The following SENP7 variants were observed in gnomAD, a reference collection of about 807,000 sequenced individuals.
SENP7 encodes the protein sentrin-specific protease 7.
Under a neutral mutation model 141.2 loss-of-function variants are expected in SENP7, and 64 were observed. The ratio of observed to expected loss-of-function variants is 0.45; its 90% CI spans 0.37 to 0.56. The LOEUF is 0.56. Ranked by LOEUF, SENP7 falls within the 20% of genes least tolerant of loss-of-function variation. The probability of loss-of-function intolerance (pLI) is 0.00; values close to 1 mark genes in which losing one functional copy is unlikely to be tolerated. For synonymous variants in SENP7, 382 were observed against 426.4 expected, an observed-to-expected ratio of 0.90 and a Z score of 1.28; for missense variants, 1,025 against 1,212.2, an observed-to-expected ratio of 0.85 and a Z score of 2.29.
chr3:101,332,897 AT>A (rs869242213), intron 17 of SENP7, 35 bp from the exon 18 acceptor site: 13 of 1,546,638 alleles, frequency 8.4e-6, no homozygotes, highest in East Asian at 2.4e-5. Context: ...ATATATAAAA[AT>A]TTTTTCATTT....
At chr3:101,435,020 AACAAAAT>A (rs2062329776) in intron 4 of SENP7, among the ~76,000 whole-genome samples, 3 of 152,168 alleles carry the variant, frequency 2.0e-5, no homozygotes, top group Non-Finnish European at 2.9e-5. Flanking sequence ...AAAAATCCTC[AACAAAAT>A]ACTAGCAAAC....
chr3:101,382,502 C>T (rs559998183), intron 6 of SENP7, among the ~76,000 whole-genome samples: 12 of 152,144 alleles, frequency 7.9e-5, no homozygotes, highest in East Asian at 1.9e-4. Flanking sequence ...TAATACAATT[C>T]GGTATATATT....
intron 4 of SENP7, among the ~76,000 whole-genome samples, chr3:101,444,664 C>T (rs2062816201): frequency 1.4e-5 from 2 of 146,474 alleles, no homozygotes; most frequent in South Asian, 4.3e-4. Flanking sequence ...ACACCGTATA[C>T]TCTCACTCAT....
chr3:101,480,410 T>C (rs2108026812), intron 3 of SENP7, among the ~76,000 whole-genome samples: 1 of 152,190 alleles, frequency 6.6e-6, no homozygotes, highest in African/African-American at 2.4e-5. Context: ...CACCCTAACA[T>C]ACACTGGGTA....
At chr3:101,466,640 T>G (rs753282213) in intron 3 of SENP7, among the ~76,000 whole-genome samples, 1 of 152,004 alleles carries the variant, frequency 6.6e-6, no homozygotes, top group Admixed American at 6.6e-5. Flanking sequence ...TAAAACTCAA[T>G]AGTAGAGCAG....
intron 4 of SENP7, among the ~76,000 whole-genome samples, chr3:101,455,812 A>G (rs554820563): frequency 6.6e-6 from 1 of 152,300 alleles, no homozygotes; most frequent in South Asian, 2.1e-4. Flanking sequence ...TTTCATCTAA[A>G]TAACTCATCA....
At chr3:101,400,987 A>T (rs2061122048) in intron 5 of SENP7, among the ~76,000 whole-genome samples, 1 of 151,980 alleles carries the variant, frequency 6.6e-6, no homozygotes, top group Non-Finnish European at 1.5e-5. Context: ...AGTCCGAGCT[A>T]CTTGGGAAGC....
chr3:101,494,319 C>T (rs1317716162), intron 2 of SENP7, among the ~76,000 whole-genome samples: 2 of 152,156 alleles, frequency 1.3e-5, no homozygotes, highest in Non-Finnish European at 2.9e-5. Context: ...GTAGCCATTA[C>T]TTACAGATAA....
At chr3:101,357,398 G>T in intron 11 of SENP7, 1 of 731,318 alleles carries the variant, frequency 1.4e-6, no homozygotes, top group South Asian at 1.6e-5. Flanking sequence ...CTCTAAGCCA[G>T]ACCTGATGAC....
At chr3:101,418,503 A>G (rs2061690328) in intron 4 of SENP7, among the ~76,000 whole-genome samples, 1 of 152,140 alleles carries the variant, frequency 6.6e-6, no homozygotes, top group East Asian at 1.9e-4. Context: ...TACCAAGTGC[A>G]TTTAAAACAA....
chr3:101,399,894 G>C (rs1440349566), intron 5 of SENP7, among the ~76,000 whole-genome samples: 3 of 152,182 alleles, frequency 2.0e-5, no homozygotes, highest in Non-Finnish European at 4.4e-5. Flanking sequence ...CCAAAATTCT[G>C]AGATTACACG....
chr3:101,347,807 T>C, intron 13 of SENP7, 65 bp downstream of exon 13: 1 of 756,050 alleles, frequency 1.3e-6, no homozygotes, highest in Non-Finnish European at 2.0e-6. Flanking sequence ...TTAAATTATT[T>C]TAGGAAAAAA....
At chr3:101,467,702 G>A (rs2063813376) in intron 3 of SENP7, among the ~76,000 whole-genome samples, 1 of 152,140 alleles carries the variant, frequency 6.6e-6, no homozygotes, top group Non-Finnish European at 1.5e-5. Flanking sequence ...CTCATCTGTA[G>A]GTCACCAACA....
chr3:101,361,602 A>T, intron 11 of SENP7, 113 bp downstream of exon 11: 1 of 1,143,894 alleles, frequency 8.7e-7, no homozygotes, highest in Non-Finnish European at 1.2e-6. Flanking sequence ...AAAGTGTCCC[A>T]TATAAAATAA....
At position 101,337,509 on chromosome 3, in the gene SENP7, G is replaced by T; in HGVS notation, c.2480C>A (p.Ser827Ter). ...NNLTEDNPNL[S>*]MAQRRHKRVR... ...TAAGTACATTAGAGGATTAACTTAC[G>T]AAAGATTTGGATTATCTTCTGTTAA... is the stretch of plus-strand genomic sequence containing the variant. Residue 827 changes from serine (S) to a stop codon, truncating the protein, a stop_gained and splice_region_variant, in exon 17 of 24, where the codon TCA (serine) becomes TAA (stop). Coordinates refer to ENST00000394095, the MANE Select transcript of SENP7 (RefSeq NM_020654.5). LOFTEE classifies it high-confidence loss of function. 1 of 1,516,594 alleles carries T rather than the reference G, an allele frequency of 6.6e-7. No individual in the cohort carries two copies. The highest frequency in any genetic ancestry group is 9.1e-7 in the Non-Finnish European group (1 of 1,102,524). 93.9% of individuals were successfully genotyped at this position (1,516,594 alleles called of 1,614,324 possible). A position where few individuals can be genotyped will look rare whatever the true frequency, so the allele number is the denominator to read the frequency against.
At chr3:101,466,650 G>C (rs1293120364) in intron 3 of SENP7, among the ~76,000 whole-genome samples, 1 of 152,128 alleles carries the variant, frequency 6.6e-6, no homozygotes, top group Non-Finnish European at 1.5e-5. Flanking sequence ...TAGTAGAGCA[G>C]ACACACAAAT....
chr3:101,429,741 T>G (rs1364850538), intron 4 of SENP7, among the ~76,000 whole-genome samples: 1 of 152,172 alleles, frequency 6.6e-6, no homozygotes, highest in African/African-American at 2.4e-5. Context: ...ATAGGAGTAG[T>G]AAGAGAGGGC....
At chr3:101,381,463 A>C (rs1008641689) in intron 6 of SENP7, among the ~76,000 whole-genome samples, 10 of 152,260 alleles carry the variant, frequency 6.6e-5, no homozygotes, top group African/African-American at 2.4e-4. Context: ...TTTAGATGAA[A>C]GCATATCAAA....
At chr3:101,492,840 A>G (rs2065017614) in intron 3 of SENP7, among the ~76,000 whole-genome samples, 1 of 152,132 alleles carries the variant, frequency 6.6e-6, no homozygotes, top group Non-Finnish European at 1.5e-5. Flanking sequence ...TCTACAGAAA[A>G]AAAATTTTAA....
Sources: allele counts gnomAD v4.1 joint callset (sites outside exome capture counted in the v4.1 genomes callset), GRCh38; gene constraint gnomAD v4.1.1; transcripts MANE v1.5; gene names NCBI Gene and HGNC (gene_info 2026-07-23, HGNC 2026-07-21).